NUMB: variants seen among roughly 807,000 people sequenced by gnomAD.
NUMB encodes protein numb homolog.
NUMB carries 29 observed loss-of-function variants against 59.7 expected under a neutral mutation model. The observed-to-expected ratio is 0.49, with a 90% CI of 0.36 to 0.66. The LOEUF is 0.66. NUMB is among the 30% of genes least tolerant of loss of function. NUMB has a pLI of 0.00. For synonymous variants in NUMB, 288 were observed against 288.2 expected (o/e 1.00, Z 0.01); for missense variants, 723 against 822.0 (o/e 0.88, Z 1.47).
At chr14:73,316,776 T>G (rs556919430) in intron 5 of NUMB, among the ~76,000 whole-genome samples, 6 of 152,324 alleles carry the variant, frequency 3.9e-5, no homozygotes, top group Admixed American at 3.3e-4. Context: ...TTGGTGAGAT[T>G]TGCATTTTAA....
chr14:73,276,640 T>G lies in NUMB; in HGVS notation c.1894A>C (p.Asn632His). 1 of 1,614,206 alleles carries G rather than the reference T, an allele frequency of 6.2e-7. No individual in the cohort carries two copies. The highest frequency in any genetic ancestry group is 8.5e-7 in the Non-Finnish European group (1 of 1,180,024). The change falls in exon 13 of 13, where the codon AAT becomes CAT. Residue 632 changes from asparagine to histidine, a missense_variant. By Grantham distance (68) the Asn-to-His change is moderately conservative (BLOSUM62 1). Transcript: ENST00000555238. ...ALENKSKQRT[N>H]PSPTNPFSSD... The stretch of plus-strand genomic sequence containing the variant: ...GAGAAAGGGTTGGTAGGGGAGGGAT[T>G]AGTACGCTGCTTGGACTTATTTTCT...
At chr14:73,361,927 G>A (rs1007503055) in intron 3 of NUMB, among the ~76,000 whole-genome samples, 1 of 152,044 alleles carries the variant, frequency 6.6e-6, no homozygotes, top group African/African-American at 2.4e-5. Context: ...TACTACTGAT[G>A]ATAAGATGTA....
chr14:73,398,864 A>G (rs1896274414), intron 2 of NUMB, among the ~76,000 whole-genome samples: 1 of 152,184 alleles, frequency 6.6e-6, no homozygotes, highest in Admixed American at 6.5e-5. Context: ...ACGGGCCACA[A>G]GTCAGCAATT....
At chr14:73,399,047 G>C (rs1896284516) in intron 2 of NUMB, among the ~76,000 whole-genome samples, 2 of 152,088 alleles carry the variant, frequency 1.3e-5, no homozygotes, top group Non-Finnish European at 2.9e-5. Flanking sequence ...TTATACAACA[G>C]TCAGTTGTTG....
chr14:73,441,887 AAAAAT>A (rs949166123), intron 1 of NUMB, among the ~76,000 whole-genome samples: 3 of 152,070 alleles, frequency 2.0e-5, no homozygotes, highest in East Asian at 1.9e-4. Flanking sequence ...CAACAATAAA[AAAAAT>A]AAAATAAAAG....
intron 1 of NUMB, among the ~76,000 whole-genome samples, chr14:73,423,414 G>A (rs1281444491): frequency 3.3e-5 from 5 of 151,784 alleles, no homozygotes; most frequent in African/African-American, 2.4e-5. Flanking sequence ...CGAGGCAGGC[G>A]GATCACCTGA....
At chr14:73,440,493 T>C (rs955266540) in intron 1 of NUMB, among the ~76,000 whole-genome samples, 1 of 151,672 alleles carries the variant, frequency 6.6e-6, no homozygotes, top group East Asian at 1.9e-4. Flanking sequence ...GGTATAAATA[T>C]TCACAACCTT....
At chr14:73,370,913 G>T (rs142404050) in intron 2 of NUMB, among the ~76,000 whole-genome samples, 28 of 152,206 alleles carry the variant, frequency 1.8e-4, no homozygotes, top group African/African-American at 2.4e-4. Context: ...AAGAAAATTT[G>T]CAAAGATCAT....
At chr14:73,347,715 T>G (rs1012713954) in intron 4 of NUMB, among the ~76,000 whole-genome samples, 1 of 152,164 alleles carries the variant, frequency 6.6e-6, no homozygotes, top group African/African-American at 2.4e-5. Flanking sequence ...CTCTCCAGGT[T>G]TCCCTTCGAT....
chr14:73,418,865 CTG>C (rs1897238764), intron 1 of NUMB, among the ~76,000 whole-genome samples: 1 of 151,976 alleles, frequency 6.6e-6, no homozygotes, highest in Non-Finnish European at 1.5e-5. Flanking sequence ...GGAATGAACA[CTG>C]TGTTTATTAT....
chr14:73,389,445 C>A (rs1325640847), intron 2 of NUMB, among the ~76,000 whole-genome samples: 6 of 151,906 alleles, frequency 3.9e-5, no homozygotes, highest in Non-Finnish European at 7.4e-5. Context: ...GCCTCAGCCT[C>A]CTGAGTAGCT....
Position 73,348,596 on chromosome 14 carries a change from G to A in NUMB, c.126+7030C>T, listed in dbSNP as rs1243671185. 2.0e-5 allele frequency among the ~76,000 whole-genome samples: 3 copies of A among 152,196 alleles called. No homozygotes were observed. In the East Asian group the frequency reaches 5.8e-4, roughly 29 times the overall value. ...TACCCACGTGAGGGATTTAGGTTGT[G>A]CGCTCCTTATGAGAATCTAAGGCCT... On this transcript the variant is annotated intron_variant, in intron 4 of 12. Transcript: ENST00000555238.
chr14:73,308,949 A>C (rs1264174127), intron 6 of NUMB, among the ~76,000 whole-genome samples: 1 of 152,210 alleles, frequency 6.6e-6, no homozygotes, highest in African/African-American at 2.4e-5. Context: ...TGTGGAGATG[A>C]TTAAATGGGT....
At chr14:73,411,334 T>C (rs1388979717) in intron 1 of NUMB, among the ~76,000 whole-genome samples, 1 of 132,736 alleles carries the variant, frequency 7.5e-6, no homozygotes, top group African/African-American at 3.0e-5. Context: ...ATGAGTTAAT[T>C]ATAACCTCTT....
intron 11 of NUMB, among the ~76,000 whole-genome samples, chr14:73,280,541 T>TA (rs1888552013): frequency 6.6e-6 from 1 of 152,044 alleles, no homozygotes; most frequent in South Asian, 2.1e-4. Flanking sequence ...CTTGTTCCTT[T>TA]TACTCCAGAT....
chr14:73,278,745 T>TTTTTTC (rs201063200), intron 12 of NUMB, among the ~76,000 whole-genome samples: 9 of 107,352 alleles, frequency 8.4e-5, no homozygotes, highest in East Asian at 3.4e-4. Flanking sequence ...TTTTTTTTTT[T>TTTTTTC]GAGACAGAGT....
chr14:73,342,075 GT>G (rs2139979425), intron 4 of NUMB, among the ~76,000 whole-genome samples: 1 of 152,260 alleles, frequency 6.6e-6, no homozygotes, highest in South Asian at 2.1e-4. Context: ...AAAAAAATTT[GT>G]TTTAGAGAGA....
intron 1 of NUMB, among the ~76,000 whole-genome samples, chr14:73,438,159 T>C (rs1898135274): frequency 1.3e-5 from 2 of 152,238 alleles, no homozygotes; most frequent in Non-Finnish European, 2.9e-5. Context: ...ACACTTTGAC[T>C]TGATAATTCC....
intron 1 of NUMB, among the ~76,000 whole-genome samples, chr14:73,436,923 A>C (rs1898078826): frequency 6.6e-6 from 1 of 151,708 alleles, no homozygotes; most frequent in Non-Finnish European, 1.5e-5. Flanking sequence ...AGGTTGCAGT[A>C]AACTGAGATC....
Sources: gnomAD v4.1 joint callset for allele counts (sites outside exome capture counted in the v4.1 genomes callset) on GRCh38, gnomAD v4.1.1 for gene constraint, MANE v1.5 for transcripts, NCBI Gene and HGNC (gene_info 2026-07-23, HGNC 2026-07-21) for gene names.